IGF1R: variants seen among roughly 807,000 people sequenced by gnomAD.
The protein encoded by IGF1R is insulin-like growth factor 1 receptor.
Under a neutral mutation model 144.6 loss-of-function variants are expected in IGF1R, and 44 were observed. The ratio of observed to expected loss-of-function variants is 0.30; its 90% CI spans 0.24 to 0.39. The LOEUF is 0.39. Ranked by LOEUF, IGF1R falls within the 10% of genes least tolerant of loss-of-function variation. The pLI is 1.00. For missense variants in IGF1R, 1,355 were observed against 1,833.7 expected (o/e 0.74, Z 4.77); for synonymous variants, 795 against 722.8 (o/e 1.10, Z -1.60).
chr15:98,925,992 A>G (rs905433511), intron 13 of IGF1R, among the ~76,000 whole-genome samples: 1 of 151,762 alleles, frequency 6.6e-6, no homozygotes, highest in Non-Finnish European at 1.5e-5. Flanking sequence ...TGAAATAGGT[A>G]TGTCAAACAG....
At chr15:98,792,470 G>T (rs757023458) in intron 2 of IGF1R, among the ~76,000 whole-genome samples, 1 of 152,122 alleles carries the variant, frequency 6.6e-6, no homozygotes, top group Non-Finnish European at 1.5e-5. Context: ...CTTTTGATTT[G>T]ATACCTATTT....
In IGF1R at chr15:98,729,309, C is replaced by G. The variant is rs534791436; in HGVS notation, c.640+21202C>G. Among the ~76,000 whole-genome samples the G allele has an allele frequency of 2.0e-5, 3 of 152,266 alleles. No individual in the cohort carries two copies. The South Asian group carries it at 6.2e-4, about 32-fold the overall frequency. On this transcript the variant is annotated intron_variant, in intron 2 of 20. Transcript: ENST00000650285. ...GCATGTTTGCTGGTGAATGCTGGTT[C>G]AATCATTAAGAAGTTTTTGAGAAGG...
At chr15:98,690,080 G>A (rs1409384331) in intron 1 of IGF1R, among the ~76,000 whole-genome samples, 2 of 152,176 alleles carry the variant, frequency 1.3e-5, no homozygotes, top group Non-Finnish European at 1.5e-5. Context: ...GGTGGCTCAT[G>A]CCTATAATTC....
chr15:98,855,179 G>C (rs1407037796), intron 2 of IGF1R, among the ~76,000 whole-genome samples: 2 of 152,190 alleles, frequency 1.3e-5, no homozygotes, highest in Non-Finnish European at 2.9e-5. Context: ...GGGGTGGGGA[G>C]CTTTCTCTGT....
chr15:98,939,636 CTT>C (rs2151714730), intron 18 of IGF1R, among the ~76,000 whole-genome samples: 1 of 152,312 alleles, frequency 6.6e-6, no homozygotes, highest in Admixed American at 6.5e-5. Context: ...TAGAACACCT[CTT>C]AGCATTGGTT....
intron 5 of IGF1R, among the ~76,000 whole-genome samples, chr15:98,902,963 A>G (rs2014559118): frequency 6.6e-6 from 1 of 152,142 alleles, no homozygotes; most frequent in South Asian, 2.1e-4. Context: ...CCTCACTCAG[A>G]GCCTGTTGAC....
intron 1 of IGF1R, among the ~76,000 whole-genome samples, chr15:98,700,240 A>G (rs939110128): frequency 2.0e-5 from 3 of 152,094 alleles, no homozygotes; most frequent in African/African-American, 7.2e-5. Flanking sequence ...GGAGGATCAT[A>G]TACTAGGGAG....
Position 98,958,564 on chromosome 15 carries a change from AT to A in IGF1R, c.*1126del, listed in dbSNP as rs1438956269. 15 of 232,776 alleles carry A rather than the reference AT, an allele frequency of 6.4e-5. No individual in the cohort carries two copies. Among genetic ancestry groups the A allele is most frequent in the African/African-American group, 3.3e-4 (15 of 45,276 alleles). 14.4% of individuals were successfully genotyped at this position (232,776 alleles called of 1,614,324 possible). Reference sequence around the variant, plus strand: ...TTCAAGCATTCTAAGCTTTGTTGACATTTTCTCTGTTCCTAGGACTTCTTCA... The same window carrying A: ...TTCAAGCATTCTAAGCTTTGTTGACATTTCTCTGTTCCTAGGACTTCTTCA... On this transcript the variant is annotated 3_prime_UTR_variant, in exon 21 of 21. Transcript: ENST00000650285.
intron 1 of IGF1R, among the ~76,000 whole-genome samples, chr15:98,691,366 TG>T (rs1389878390): frequency 3.0e-4 from 41 of 137,562 alleles, no homozygotes; most frequent in African/African-American, 1.0e-3. Context: ...TGGTTTTTTT[TG>T]TTTTTTTTTT....
intron 2 of IGF1R, among the ~76,000 whole-genome samples, chr15:98,823,307 C>G (rs1334355701): frequency 2.6e-5 from 4 of 152,200 alleles, no homozygotes; most frequent in East Asian, 3.9e-4. Flanking sequence ...AGTGATGTCA[C>G]TCTGAACCAA....
At chr15:98,920,802 A>G (rs1354444582) in intron 10 of IGF1R, among the ~76,000 whole-genome samples, 1 of 152,176 alleles carries the variant, frequency 6.6e-6, no homozygotes, top group African/African-American at 2.4e-5. Flanking sequence ...GCCACTACAC[A>G]AAGAAGGACC....
At chr15:98,908,644 G>A in intron 5 of IGF1R, 41 bp from the exon 6 acceptor site, 18 of 1,543,480 alleles carry the variant, frequency 1.2e-5, no homozygotes, top group Non-Finnish European at 1.6e-5. Context: ...GGGGACTGTG[G>A]CCAAGGGCAG....
chr15:98,811,242 G>A (rs2056583330), intron 2 of IGF1R, among the ~76,000 whole-genome samples: 1 of 151,164 alleles, frequency 6.6e-6, no homozygotes, highest in Non-Finnish European at 1.5e-5. Context: ...TGGAGGTTGC[G>A]GTGAGCCATG....
chr15:98,871,082 C>G (rs1224400666), intron 2 of IGF1R, among the ~76,000 whole-genome samples: 2 of 152,232 alleles, frequency 1.3e-5, no homozygotes, highest in African/African-American at 4.8e-5. Flanking sequence ...AGAAAACAGC[C>G]TGCGTATGTT....
intron 2 of IGF1R, among the ~76,000 whole-genome samples, chr15:98,775,947 G>A (rs1042086758): frequency 6.6e-6 from 1 of 152,202 alleles, no homozygotes; most frequent in Admixed American, 6.5e-5. Context: ...GAGACTGATA[G>A]TTGAAAGAAT....
chr15:98,690,054 AT>A (rs1356401467), intron 1 of IGF1R, among the ~76,000 whole-genome samples: 1 of 152,196 alleles, frequency 6.6e-6, no homozygotes, highest in East Asian at 1.9e-4. Context: ...ACCTAAAAAC[AT>A]GCTTGGCTGG....
At chr15:98,668,795 C>T (rs993055993) in intron 1 of IGF1R, among the ~76,000 whole-genome samples, 3 of 74,416 alleles carry the variant, frequency 4.0e-5, no homozygotes, top group African/African-American at 5.6e-5. Flanking sequence ...AGCAGCTCCT[C>T]GTGACCCTCC....
Position 98,959,533 on chromosome 15 carries a change from C to A in IGF1R, c.*2091C>A. The A allele has an allele frequency of 4.3e-6, 1 of 233,538 alleles. No homozygotes were observed. The highest frequency in any genetic ancestry group is 8.5e-6 in the Non-Finnish European group (1 of 117,996). The allele number at this position is 233,538 out of a possible 1,614,324, so 14.5% of individuals were successfully genotyped here. The stretch of plus-strand genomic sequence containing the variant: ...CTAGGTGGAGGCAGCACAGACGCCA[C>A]GGTGGCCCAAGAGCCCCTTTGCTTC... On this transcript the variant is annotated 3_prime_UTR_variant, in exon 21 of 21. Transcript: ENST00000650285.
chr15:98,937,400 A>C (rs879592717), intron 17 of IGF1R, among the ~76,000 whole-genome samples: 6 of 152,150 alleles, frequency 3.9e-5, no homozygotes, highest in African/African-American at 9.7e-5. Flanking sequence ...TGTGGTCCTC[A>C]GACAGCCGCT....
Sources: allele counts gnomAD v4.1 joint callset (sites outside exome capture counted in the v4.1 genomes callset), GRCh38; gene constraint gnomAD v4.1.1; transcripts MANE v1.5; gene names NCBI Gene and HGNC (gene_info 2026-07-23, HGNC 2026-07-21).